The following EHBP1 variants were observed in gnomAD, a reference collection of about 807,000 sequenced individuals.
The protein encoded by EHBP1 is EH domain-binding protein 1.
A neutral mutation model predicts 144.0 loss-of-function variants in EHBP1; 55 were observed. That is an observed-to-expected ratio of 0.38 (90% CI 0.31 to 0.48). The LOEUF is 0.48. Ranked by LOEUF, EHBP1 falls within the 20% of genes least tolerant of loss-of-function variation. The pLI is 0.98. For synonymous variants in EHBP1, 469 were observed against 472.7 expected (o/e 0.99, Z 0.10); for missense variants, 1,200 against 1,364.2 (o/e 0.88, Z 1.90).
intron 3 of EHBP1, among the ~76,000 whole-genome samples, chr2:62,762,849 A>G (rs2040870434): frequency 6.6e-6 from 1 of 152,096 alleles, no homozygotes; most frequent in African/African-American, 2.4e-5. Flanking sequence ...AATATATTAG[A>G]TTGTCATTCC....
intron 1 of EHBP1, among the ~76,000 whole-genome samples, chr2:62,684,542 G>A (rs1282789656): frequency 6.6e-6 from 1 of 152,234 alleles, no homozygotes. Context: ...TAGGAGCCAT[G>A]GATTTGATTT....
chr2:62,870,239 C>G (rs950645278), intron 9 of EHBP1, among the ~76,000 whole-genome samples: 1 of 152,064 alleles, frequency 6.6e-6, no homozygotes. Flanking sequence ...ATTTTAAGCA[C>G]TATTTGACTA....
rs1269090382 is a variant in EHBP1 at position 62,946,836 on chromosome 2, A to G, written c.1414-1424A>G. Among the ~76,000 whole-genome samples, 4 of 152,192 alleles carry G rather than the reference A, an allele frequency of 2.6e-5. No homozygotes were observed. In the East Asian group the frequency reaches 7.7e-4, roughly 29 times the overall value. On this transcript the variant is annotated intron_variant, in intron 12 of 22. Coordinates refer to ENST00000431489, the MANE Select transcript of EHBP1 (RefSeq NM_001142616.3). ...AATGTTTTTTTAGTGTAATTAGTGT[A>G]CATAAAATGAATTGCTACATGAAGC...
chr2:62,674,724 C>G (rs186727541), intron 1 of EHBP1, among the ~76,000 whole-genome samples: 20 of 152,164 alleles, frequency 1.3e-4, no homozygotes, highest in Admixed American at 4.6e-4. Context: ...TGTGCAGCAA[C>G]AGTTTATTGT....
intron 6 of EHBP1, among the ~76,000 whole-genome samples, chr2:62,828,785 C>T (rs2046541186): frequency 6.6e-6 from 1 of 152,172 alleles, no homozygotes; most frequent in Admixed American, 6.6e-5. Context: ...GTTTTTGAAA[C>T]AAGTTTTTGT....
At chr2:62,812,585 C>G (rs2045103683) in intron 5 of EHBP1, among the ~76,000 whole-genome samples, 1 of 151,934 alleles carries the variant, frequency 6.6e-6, no homozygotes, top group South Asian at 2.1e-4. Flanking sequence ...GAGGAGGTCT[C>G]AGAGGGAAAT....
chr2:62,981,069 CAAAAAAAAAAAA>C (rs754301803), intron 15 of EHBP1, among the ~76,000 whole-genome samples: 2 of 48,292 alleles, frequency 4.1e-5, no homozygotes, highest in African/African-American at 7.3e-5. Flanking sequence ...GATGCTGTCT[CAAAAAAAAAAAA>C]AAAAAAAAAG....
chr2:62,807,522 T>G (rs1234712209), intron 5 of EHBP1, among the ~76,000 whole-genome samples: 1 of 152,210 alleles, frequency 6.6e-6, no homozygotes, highest in Non-Finnish European at 1.5e-5. Flanking sequence ...CACTCCAGCC[T>G]GGGCAATAAG....
At chr2:62,746,292 G>T (rs2039144990) in intron 2 of EHBP1, among the ~76,000 whole-genome samples, 1 of 151,840 alleles carries the variant, frequency 6.6e-6, no homozygotes, top group Non-Finnish European at 1.5e-5. Context: ...ACGGTTGTTT[G>T]TTTTTCCATT....
chr2:62,919,833 A>G (rs1015304691), intron 10 of EHBP1, among the ~76,000 whole-genome samples: 3 of 152,160 alleles, frequency 2.0e-5, no homozygotes, highest in African/African-American at 7.2e-5. Flanking sequence ...TTTAAAAGAA[A>G]TGAAAAAAAT....
At chr2:62,717,179 A>T (rs2035766952) in intron 2 of EHBP1, among the ~76,000 whole-genome samples, 1 of 152,238 alleles carries the variant, frequency 6.6e-6, no homozygotes, top group Non-Finnish European at 1.5e-5. Flanking sequence ...CTTGATTTAC[A>T]TACTTTAAAA....
chr2:63,007,419 T>A (rs1405992325), intron 19 of EHBP1, among the ~76,000 whole-genome samples: 4 of 151,846 alleles, frequency 2.6e-5, no homozygotes, highest in Non-Finnish European at 5.9e-5. Flanking sequence ...GTGGCATGCA[T>A]AGATAGATAC....
intron 14 of EHBP1, chr2:62,956,231 A>G (rs1210170712): frequency 1.3e-5 from 2 of 152,182 alleles, no homozygotes; most frequent in East Asian, 3.8e-4. Context: ...CCACATTTTT[A>G]TATATATTTT....
intron 5 of EHBP1, among the ~76,000 whole-genome samples, chr2:62,810,641 C>G (rs1021192527): frequency 1.3e-5 from 2 of 152,160 alleles, no homozygotes; most frequent in Non-Finnish European, 2.9e-5. Context: ...ATAGGTCTGT[C>G]TAGTCCTGAA....
chr2:62,688,521 A>G (rs531695446), intron 1 of EHBP1, among the ~76,000 whole-genome samples: 36 of 152,298 alleles, frequency 2.4e-4, no homozygotes, highest in African/African-American at 8.2e-4. Context: ...ACTACATGTT[A>G]TTATTAAATG....
intron 19 of EHBP1, 121 bp from the exon 20 acceptor site, chr2:63,037,414 A>G: frequency 1.6e-6 from 1 of 610,232 alleles, no homozygotes; most frequent in South Asian, 2.1e-5. Flanking sequence ...TCTTATAAGC[A>G]GTTTAATATA....
At chr2:62,677,151 G>A (rs1472034621) in intron 1 of EHBP1, among the ~76,000 whole-genome samples, 1 of 152,178 alleles carries the variant, frequency 6.6e-6, no homozygotes, top group Non-Finnish European at 1.5e-5. Context: ...AGCTGTGATT[G>A]TGCCACTGCA....
chr2:62,920,835 G>A (rs1010073092), intron 10 of EHBP1, among the ~76,000 whole-genome samples: 4 of 151,762 alleles, frequency 2.6e-5, no homozygotes, highest in African/African-American at 9.7e-5. Flanking sequence ...GCTAATTTTT[G>A]TGGGGTTTTT....
intron 21 of EHBP1, among the ~76,000 whole-genome samples, chr2:63,040,014 A>G (rs1274670828): frequency 6.6e-6 from 1 of 152,126 alleles, no homozygotes; most frequent in African/African-American, 2.4e-5. Flanking sequence ...GAAACGTGCC[A>G]TTGAAATAAA....
Sources: gnomAD v4.1 joint callset for allele counts (sites outside exome capture counted in the v4.1 genomes callset) on GRCh38, gnomAD v4.1.1 for gene constraint, MANE v1.5 for transcripts, NCBI Gene and HGNC (gene_info 2026-07-23, HGNC 2026-07-21) for gene names.